MESD: variants seen among roughly 807,000 people sequenced by gnomAD.
MESD encodes LRP chaperone MESD.
Under a neutral mutation model 12.9 loss-of-function variants are expected in MESD, and 7 were observed. The ratio of observed to expected loss-of-function variants is 0.54; its 90% CI spans 0.31 to 1.02. The LOEUF is 1.02. Ranked by LOEUF, MESD falls within the 50% of genes least tolerant of loss-of-function variation. The probability of loss-of-function intolerance (pLI) is 0.05; values close to 1 mark genes in which losing one functional copy is unlikely to be tolerated. For synonymous variants in MESD, 126 were observed against 115.6 expected, an observed-to-expected ratio of 1.09 and a Z score of -0.58; for missense variants, 342 against 296.7, an observed-to-expected ratio of 1.15 and a Z score of -1.12.
chr15:80,970,552 C>T (rs1271583074), intron 3 of MESD: 2 of 152,208 alleles, frequency 1.3e-5, no homozygotes, highest in Non-Finnish European at 2.9e-5. Flanking sequence ...ACATCAAAAA[C>T]GTGTTCTTCA....
intron 3 of MESD, among the ~76,000 whole-genome samples, chr15:80,968,638 C>A (rs1314428689): frequency 6.6e-6 from 1 of 151,758 alleles, no homozygotes; most frequent in Non-Finnish European, 1.5e-5. Flanking sequence ...GAGACCCCAC[C>A]TCTTTACTTT....
chr15:80,981,872 T>A (rs1172418127), intron 2 of MESD, 78 bp downstream of exon 2: 2 of 1,046,452 alleles, frequency 1.9e-6, no homozygotes, highest in Non-Finnish European at 2.8e-6. Context: ...ATCATCATCA[T>A]CATCATAATT....
chr15:80,974,068 C>CT (rs936770696), downstream of MESD, among the ~76,000 whole-genome samples: 2 of 152,244 alleles, frequency 1.3e-5, no homozygotes, highest in African/African-American at 4.8e-5. Flanking sequence ...GGTTCCCCCC[C>CT]CCACTGGGGA....
chr15:80,987,291 G>C (rs1443520415), intron 1 of MESD, among the ~76,000 whole-genome samples: 1 of 152,128 alleles, frequency 6.6e-6, no homozygotes, highest in East Asian at 1.9e-4. Flanking sequence ...TACAAAAAAA[G>C]CACCCACAGA....
At chr15:80,963,541 G>A (rs1392776662) in intron 3 of MESD, among the ~76,000 whole-genome samples, 1 of 152,174 alleles carries the variant, frequency 6.6e-6, no homozygotes, top group East Asian at 1.9e-4. Context: ...GAGAATTTTA[G>A]GCCAGTATCC....
At chr15:80,962,981 G>C (rs1338312937) in intron 3 of MESD, among the ~76,000 whole-genome samples, 1 of 152,038 alleles carries the variant, frequency 6.6e-6, no homozygotes, top group Non-Finnish European at 1.5e-5. Flanking sequence ...AAATAACTAA[G>C]ATCAGAGCAG....
intron 1 of MESD, among the ~76,000 whole-genome samples, chr15:80,986,451 G>A (rs1186783706): frequency 6.6e-6 from 1 of 152,162 alleles, no homozygotes; most frequent in East Asian, 1.9e-4. Context: ...ATGTTTAGGA[G>A]ACAGATATGC....
chr15:80,986,935 T>G (rs1055955846), intron 1 of MESD, among the ~76,000 whole-genome samples: 1 of 152,306 alleles, frequency 6.6e-6, no homozygotes, highest in African/African-American at 2.4e-5. Flanking sequence ...TTCAGAACAA[T>G]CCTACCCGGT....
At chr15:80,989,468 A>C in intron 1 of MESD, 111 bp downstream of exon 1, 1 of 1,252,800 alleles carries the variant, frequency 8.0e-7, no homozygotes, top group Non-Finnish European at 1.1e-6. Context: ...TCAAGGCATG[A>C]GTAGAGGAGG....
At chr15:80,954,495 G>A (rs1901924046) in intron 3 of MESD, among the ~76,000 whole-genome samples, 2 of 152,174 alleles carry the variant, frequency 1.3e-5, no homozygotes, top group South Asian at 2.1e-4. Context: ...GTAGGATGTG[G>A]GTGGTGGGAA....
intron 3 of MESD, among the ~76,000 whole-genome samples, chr15:80,952,623 T>C (rs1901870648): frequency 6.6e-6 from 1 of 151,966 alleles, no homozygotes; most frequent in Non-Finnish European, 1.5e-5. Flanking sequence ...GTCTCGTGTG[T>C]GTGTGTGTGT....
downstream of MESD, chr15:80,946,700 C>T (rs1009800585): frequency 3.5e-5 from 17 of 484,276 alleles, no homozygotes; most frequent in African/African-American, 1.8e-4. Flanking sequence ...GACATGTAAA[C>T]GCGGTGAGCC....
chr15:80,986,183 C>CGCA (rs1238391446), intron 1 of MESD, among the ~76,000 whole-genome samples: 5 of 152,104 alleles, frequency 3.3e-5, no homozygotes, highest in Non-Finnish European at 7.3e-5. Context: ...ACAAATACCG[C>CGCA]GCATTCTCCT....
rs529734970 is a variant in MESD at position 80,952,977 on chromosome 15, G to C, written c.*289-681C>G. 5.0e-5 allele frequency: 23 copies of C among 456,082 alleles called. No homozygotes were observed. The East Asian group carries it at 1.6e-3, about 32-fold the overall frequency. The allele number at this position is 456,082 out of a possible 1,614,324, so 28.3% of individuals were successfully genotyped here. A position where few individuals can be genotyped will look rare whatever the true frequency, so the allele number is the denominator to read the frequency against. On this transcript the variant is annotated intron_variant, in intron 3 of 4. Transcript: ENST00000561312. ...TGTGGCAGGCTTCTGAGGGCAGGGAGTGATCATCGCCTGGATTGGTCAGGG... is the reference window on the plus strand; with the variant it reads ...TGTGGCAGGCTTCTGAGGGCAGGGACTGATCATCGCCTGGATTGGTCAGGG...
chr15:80,974,069 C>T (rs920670898), downstream of MESD, among the ~76,000 whole-genome samples: 4 of 152,092 alleles, frequency 2.6e-5, no homozygotes, highest in Non-Finnish European at 2.9e-5. Flanking sequence ...GTTCCCCCCC[C>T]CACTGGGGAG....
intron 2 of MESD, among the ~76,000 whole-genome samples, chr15:80,980,257 A>T (rs1902540894): frequency 6.6e-6 from 1 of 152,136 alleles, no homozygotes; most frequent in African/African-American, 2.4e-5. Flanking sequence ...TGCTGGCCGG[A>T]CACTCTCTAA....
intron 3 of MESD, chr15:80,970,518 T>C (rs573449114): frequency 1.2e-4 from 19 of 152,322 alleles, no homozygotes; most frequent in Admixed American, 2.6e-4. Context: ...ATGCAGTGCA[T>C]AATGGGAAGT....
At chr15:80,982,981 CCT>C (rs1902622415) in intron 1 of MESD, among the ~76,000 whole-genome samples, 1 of 152,144 alleles carries the variant, frequency 6.6e-6, no homozygotes, top group Non-Finnish European at 1.5e-5. Context: ...GTGAGGCACA[CCT>C]GTAGTCCCAG....
chr15:80,968,499 G>C (rs1278208196), intron 3 of MESD, among the ~76,000 whole-genome samples: 1 of 152,130 alleles, frequency 6.6e-6, no homozygotes, highest in Non-Finnish European at 1.5e-5. Flanking sequence ...ACACACAAAT[G>C]ATAATAGTTA....
Sources: gnomAD v4.1 joint callset for allele counts (sites outside exome capture counted in the v4.1 genomes callset) on GRCh38, gnomAD v4.1.1 for gene constraint, MANE v1.5 for transcripts, NCBI Gene and HGNC (gene_info 2026-07-23, HGNC 2026-07-21) for gene names.